Variants in KAZN observed in about 807,000 individuals in gnomAD.
The protein encoded by KAZN is kazrin, periplakin interacting protein.
A neutral mutation model predicts 87.4 loss-of-function variants in KAZN; 40 were observed. That is an observed-to-expected ratio of 0.46 (90% confidence interval 0.36 to 0.60). The LOEUF (loss-of-function observed/expected upper bound fraction) is 0.60. Ranked by LOEUF, KAZN falls within the 20% of genes least tolerant of loss-of-function variation. The probability of loss-of-function intolerance (pLI) is 0.00; values close to 1 mark genes in which losing one functional copy is unlikely to be tolerated. For missense variants in KAZN, 898 were observed against 1,073.9 expected (o/e 0.84, Z 2.29); for synonymous variants, 466 against 458.3 (o/e 1.02, Z -0.22).
chr1:14,723,428 G>A (rs1347187154), intron 1 of KAZN, among the ~76,000 whole-genome samples: 1 of 152,188 alleles, frequency 6.6e-6, no homozygotes, highest in Non-Finnish European at 1.5e-5. Context: ...CAATGAGTGG[G>A]ACCTGGGGTG....
intron 1 of KAZN, among the ~76,000 whole-genome samples, chr1:14,894,586 G>C (rs1275433137): frequency 6.6e-6 from 1 of 152,168 alleles, no homozygotes; most frequent in Non-Finnish European, 1.5e-5. Flanking sequence ...ACCTCCTCCT[G>C]GAGCCTTCCC....
chr1:14,942,565 G>A (rs1661223121), intron 1 of KAZN, among the ~76,000 whole-genome samples: 1 of 152,200 alleles, frequency 6.6e-6, no homozygotes, highest in African/African-American at 2.4e-5. Context: ...TCTCTAGTCA[G>A]TATCATTTTC....
chr1:14,754,507 C>T (rs574843375), intron 1 of KAZN, among the ~76,000 whole-genome samples: 137 of 152,194 alleles, frequency 9.0e-4, no homozygotes, highest in African/African-American at 3.2e-3. Flanking sequence ...GTGGTGGGCG[C>T]CTGTAACCCC....
intron 2 of KAZN, among the ~76,000 whole-genome samples, chr1:14,256,067 A>G (rs1417564270): frequency 6.6e-6 from 1 of 152,174 alleles, no homozygotes; most frequent in Admixed American, 6.5e-5. Context: ...CCTAAATAAA[A>G]TGATTGTTAC....
At chr1:13,899,984 T>C (rs1639186907) in intron 1 of KAZN, among the ~76,000 whole-genome samples, 1 of 152,174 alleles carries the variant, frequency 6.6e-6, no homozygotes, top group Non-Finnish European at 1.5e-5. Context: ...CTTTCATCAG[T>C]AAGATATTGA....
At chr1:14,594,405 G>A (rs893011882), upstream of KAZN, among the ~76,000 whole-genome samples, 1 of 152,138 alleles carries the variant, frequency 6.6e-6, no homozygotes, top group Non-Finnish European at 1.5e-5. Context: ...AAACACACAC[G>A]GCACAGTTGG....
intron 1 of KAZN, among the ~76,000 whole-genome samples, chr1:14,168,070 C>T (rs565838676): frequency 2.0e-5 from 3 of 152,192 alleles, no homozygotes; most frequent in South Asian, 2.1e-4. Flanking sequence ...ATGTCCTTGG[C>T]GCCGCTTCCT....
intron 2 of KAZN, among the ~76,000 whole-genome samples, chr1:14,245,395 T>C (rs1220787585): frequency 6.6e-6 from 1 of 152,158 alleles, no homozygotes; most frequent in Non-Finnish European, 1.5e-5. Flanking sequence ...GTCAGCTGCA[T>C]CTTTCCATAT....
intron 1 of KAZN, among the ~76,000 whole-genome samples, chr1:14,130,968 C>G (rs1355021378): frequency 6.6e-6 from 1 of 152,138 alleles, no homozygotes; most frequent in Admixed American, 6.5e-5. Context: ...TGAAGACATA[C>G]CTGAGACTAA....
intron 1 of KAZN, among the ~76,000 whole-genome samples, chr1:14,798,467 A>G (rs1208747516): frequency 1.1e-5 from 1 of 90,480 alleles, no homozygotes; most frequent in Non-Finnish European, 1.9e-5. Flanking sequence ...TTGCTCTGTC[A>G]CCCAGTCTAG....
At chr1:15,060,484 G>A in intron 6 of KAZN, 182 bp downstream of exon 6, 1 of 819,670 alleles carries the variant, frequency 1.2e-6, no homozygotes, top group East Asian at 2.7e-5. Flanking sequence ...GGAGAAAAAG[G>A]AATGAGGCCC....
At chr1:14,513,806 G>A (rs2148449343) in intron 2 of KAZN, among the ~76,000 whole-genome samples, 1 of 152,084 alleles carries the variant, frequency 6.6e-6, no homozygotes, top group East Asian at 1.9e-4. Context: ...GGTGGTAATG[G>A]TTTGTCATTT....
intron 1 of KAZN, among the ~76,000 whole-genome samples, chr1:14,920,537 C>T (rs572895412): frequency 1.3e-5 from 2 of 152,112 alleles, no homozygotes; most frequent in Non-Finnish European, 2.9e-5. Context: ...ACACAGTGTG[C>T]CCTGGAGCAG....
At chr1:14,803,865 C>T (rs1167606173) in intron 1 of KAZN, among the ~76,000 whole-genome samples, 1 of 152,240 alleles carries the variant, frequency 6.6e-6, no homozygotes, top group African/African-American at 2.4e-5. Flanking sequence ...CCTTCCTCTT[C>T]CATGTGCTAG....
At chr1:15,070,025 A>C (rs942950348) in intron 8 of KAZN, among the ~76,000 whole-genome samples, 15 of 152,238 alleles carry the variant, frequency 9.9e-5, no homozygotes, top group Admixed American at 9.8e-4. Context: ...CATTGATGAG[A>C]AAACAGACGT....
At chr1:14,397,502 A>T (rs1348135475) in intron 2 of KAZN, among the ~76,000 whole-genome samples, 1 of 152,120 alleles carries the variant, frequency 6.6e-6, no homozygotes, top group Non-Finnish European at 1.5e-5. Context: ...GGGATTCAAC[A>T]TGTACGTTTT....
At chr1:14,927,383 T>C (rs969513011) in intron 1 of KAZN, among the ~76,000 whole-genome samples, 3 of 152,188 alleles carry the variant, frequency 2.0e-5, no homozygotes, top group African/African-American at 7.2e-5. Context: ...GCTTATAGTC[T>C]GTGGGAGGAG....
rs576885802 is a variant in KAZN at position 14,877,128 on chromosome 1, G to A, written c.227-83556G>A. On this transcript the variant is annotated intron_variant, in intron 1 of 14. Transcript: ENST00000376030. ...CCTTCAGGCATGACTGGCTCCAGGAGCTCAAGGGGTGTTCCCCGCACTCTC... is the reference window on the plus strand; with the variant it reads ...CCTTCAGGCATGACTGGCTCCAGGAACTCAAGGGGTGTTCCCCGCACTCTC... Among the ~76,000 whole-genome samples the A allele has an allele frequency of 2.2e-3, 342 of 152,128 alleles. 2 individuals are homozygous for A. Among genetic ancestry groups the A allele is most frequent in the Middle Eastern group, 0.017 (5 of 294 alleles).
In KAZN at chr1:14,512,768, TAAAGTC is replaced by T. The variant is rs369052792; in HGVS notation, c.250-86210_250-86205del. ...TTTATGAGCGAAATTAAGATGGAGATAAAGTCAAAGAGCAGATTTTCTCATTCCTAT... is the reference window on the plus strand; with the variant it reads ...TTTATGAGCGAAATTAAGATGGAGATAAAGAGCAGATTTTCTCATTCCTAT... On this transcript the variant is annotated intron_variant, in intron 2 of 16. Transcript: ENST00000636203. Among the ~76,000 whole-genome samples, 813 of 152,296 alleles carry T rather than the reference TAAAGTC, an allele frequency of 5.3e-3. 9 individuals carry two copies. Among genetic ancestry groups the T allele is most frequent in the African/African-American group, 0.018 (750 of 41,572 alleles).
Sources: gnomAD v4.1 joint callset for allele counts (sites outside exome capture counted in the v4.1 genomes callset) on GRCh38, gnomAD v4.1.1 for gene constraint, MANE v1.5 for transcripts, NCBI Gene and HGNC (gene_info 2026-07-23, HGNC 2026-07-21) for gene names.